The following HR variants were observed in gnomAD, a reference collection of about 807,000 sequenced individuals.
The protein encoded by HR is lysine-specific demethylase hairless.
In HR, 83 loss-of-function variants were observed where a neutral mutation model predicts 128.6. The ratio of observed to expected loss-of-function variants is 0.65; its 90% CI spans 0.54 to 0.77. HR has a LOEUF of 0.77. Among genes scored for constraint, HR ranks in the 30% least tolerant of loss-of-function variants. The pLI is 0.00. For synonymous variants in HR, 681 were observed against 658.2 expected, an observed-to-expected ratio of 1.03 and a Z score of -0.53; for missense variants, 1,490 against 1,574.6, an observed-to-expected ratio of 0.95 and a Z score of 0.91.
rs956396914 is a variant in HR, at chr8:22,117,024, C to A, written c.3229G>T (p.Ala1077Ser). ...GGGGCGCCAGGCTCCAGGGCGCCTG[C>A]CCCGGCCGGGCACACCTCAAAGAAG... Reference protein sequence around the residue: ...RFLQMVCPAGAGALEPGAPGS... With the variant: ...RFLQMVCPAGSGALEPGAPGS... Residue 1077 changes from alanine to serine, a missense_variant, in exon 17 of 19, where the codon GCA (alanine) becomes TCA (serine). By Grantham distance (99) the Ala-to-Ser change is moderately conservative. Around this residue, in one of 3 missense-constraint regions of HR, gnomAD observed 423 missense variants for 495.9 expected, o/e 0.85. Coordinates refer to ENST00000381418, the MANE Select transcript of HR (RefSeq NM_005144.5). 3.3e-6 allele frequency: 5 copies of A among 1,509,182 alleles called. No individual in the cohort carries two copies. The African/African-American group carries it at 4.1e-5, about 12-fold the overall frequency. 93.5% of individuals were successfully genotyped at this position (1,509,182 alleles called of 1,614,324 possible).
rs1826779011 is a variant in HR, at chr8:22,122,496, C to T, written c.2118G>A (p.Gln706=). The T allele has an allele frequency of 1.8e-5, 29 of 1,603,992 alleles. No individual in the cohort carries two copies. The highest frequency in any genetic ancestry group is 2.4e-5 in the Non-Finnish European group (28 of 1,175,122). Residue 706 remains glutamine (Q), a synonymous_variant, in exon 8 of 19, where the codon CAG becomes CAA. Transcript: ENST00000381418. ...GGTGACATGCCCTGGGTCTTACCTG[C>T]TGGCCTGCATCCCCGGGGGCCCATA... is the stretch of plus-strand genomic sequence containing the variant. ...ARVWAPGDAG[Q]QKESTQKTPP...
Position 22,119,170 on chromosome 8 carries a change from G to C in HR, c.3091C>G (p.Gln1031Glu), listed in dbSNP as rs1431635293. The change falls in exon 15 of 19, where the codon CAG (glutamine) becomes GAG (glutamate). Residue 1031 changes from glutamine (Q) to glutamate (E), a missense_variant. Physicochemically the swap from Gln to Glu is conservative, Grantham distance 29. Transcript: ENST00000381418. ...CCTCTGGCCGAGGACCTACCTTTCT[G>C]TGCCCGGTGCCAGGCAGGCAGTGGT... is the stretch of plus-strand genomic sequence containing the variant. ...DTPLPAWHRA[Q>E]KDFLSGLDGE... 6.2e-7 allele frequency: 1 copy of C among 1,613,838 alleles called. No individual in the cohort carries two copies. Among genetic ancestry groups the C allele is most frequent in the Non-Finnish European group, 8.5e-7 (1 of 1,180,034 alleles).
chr8:22,126,490 GC>G (rs1204839180), intron 3 of HR, among the ~76,000 whole-genome samples: 1 of 152,210 alleles, frequency 6.6e-6, no homozygotes, highest in African/African-American at 2.4e-5. Flanking sequence ...GCCATTCCTG[GC>G]GCAGGACAAG....
At chr8:22,121,259 G>C in intron 9 of HR, 31 bp from the exon 10 acceptor site, 4 of 1,610,466 alleles carry the variant, frequency 2.5e-6, no homozygotes, top group Middle Eastern at 3.3e-4. Context: ...GGGGGGCTTC[G>C]CGTTTGGTCC....
chr8:22,129,015 G>T lies in HR; in HGVS notation c.156C>A (p.Gly52=), dbSNP rs376884600. The T allele has an allele frequency of 1.2e-6, 2 of 1,611,060 alleles. No individual in the cohort carries two copies. The highest frequency in any genetic ancestry group is 1.7e-5 in the Admixed American group (1 of 59,796). ...CLGEPAPFWR[G]VLSTPDSWLP... is the part of the protein sequence containing the mutation. ...GCCAGGAGTCTGGGGTGCTCAGGAC[G>T]CCCCTCCAAAAGGGAGCAGGCTCTC... The change falls in exon 2 of 19, where the codon GGC becomes GGA. Residue 52 remains glycine (G), a synonymous_variant. Coordinates refer to ENST00000381418, the MANE Select transcript of HR (RefSeq NM_005144.5).
At position 22,119,052 on chromosome 8, in the gene HR, G is replaced by A. The variant is rs766330878; in HGVS notation, c.3111C>T (p.Gly1037=). 2.5e-6 allele frequency: 4 copies of A among 1,613,372 alleles called. No homozygotes were observed. In the East Asian group the frequency reaches 8.9e-5, roughly 36 times the overall value. Residue 1037 remains glycine (G), a synonymous_variant, in exon 16 of 19, where the codon GGC becomes GGT. Transcript: ENST00000381418. Reference sequence around the variant, plus strand: ...GAGACCAGAGCCCCTCCCCGTCCAGGCCTGAAAGGAAGTCTGAGGAGGAAA... The same window carrying A: ...GAGACCAGAGCCCCTCCCCGTCCAGACCTGAAAGGAAGTCTGAGGAGGAAA... ...WHRAQKDFLS[G]LDGEGLWSPG...
At position 22,117,100 on chromosome 8, in the gene HR, T is replaced by G. The variant is rs942240118; in HGVS notation, c.3214-61A>C. The G allele has an allele frequency of 5.6e-6, 8 of 1,426,542 alleles. No homozygotes were observed. The Admixed American group carries it at 1.1e-4, about 19-fold the overall frequency. 88.4% of individuals were successfully genotyped at this position (1,426,542 alleles called of 1,614,324 possible). On this transcript the variant is annotated intron_variant, in intron 16 of 18. Transcript: ENST00000381418. ...AGGGAAGGGCAGGGCTGCAGGAGGA[T>G]GGGGCATGGACTTTCCAGAGGCCAG...
At chr8:22,121,264 T>C (rs1444657782) in intron 9 of HR, 36 bp from the exon 10 acceptor site, 55 of 1,608,968 alleles carry the variant, frequency 3.4e-5, no homozygotes, top group Non-Finnish European at 4.7e-5. Context: ...GCTTCGCGTT[T>C]GGTCCCTCCT....
chr8:22,120,815 G>A lies in HR; in HGVS notation c.2511C>T (p.Pro837=). The change falls in exon 11 of 19, where the codon CCC becomes CCT. Residue 837 remains proline (P), a synonymous_variant. Coordinates refer to ENST00000381418, the MANE Select transcript of HR (RefSeq NM_005144.5). ...GCAAAGCCCCTGGGGGAGGCAGCCG[G>A]GGCCGCACTGGAGAGAGGGGCAGGC... is the stretch of plus-strand genomic sequence containing the variant. ...GLGLPLSPVR[P]RLPPPGALLW... The A allele has an allele frequency of 6.5e-7, 1 of 1,548,226 alleles. No homozygotes were observed. Among genetic ancestry groups the A allele is most frequent in the Non-Finnish European group, 8.7e-7 (1 of 1,145,064 alleles).
intron 9 of HR, 75 bp from the exon 10 acceptor site, chr8:22,121,303 T>C: frequency 1.9e-6 from 3 of 1,553,502 alleles, no homozygotes; most frequent in Non-Finnish European, 2.6e-6. Flanking sequence ...TTGCCCATGC[T>C]GCTCTTCCCT....
At chr8:22,125,545 G>A (rs374884607) in intron 4 of HR, 37 bp downstream of exon 4, 12 of 1,612,690 alleles carry the variant, frequency 7.4e-6, no homozygotes, top group East Asian at 4.5e-5. Flanking sequence ...GAGCCCTGGC[G>A]AGGGGGCACT....
intron 3 of HR, 40 bp from the exon 4 acceptor site, chr8:22,125,772 G>A (rs372110905): frequency 8.7e-6 from 14 of 1,609,612 alleles, no homozygotes; most frequent in Non-Finnish European, 1.1e-5. Flanking sequence ...TGGGTTTCTT[G>A]GGCTGCTGAG....
chr8:22,123,616 A>AGGGGGGGGCCC, intron 6 of HR, 33 bp downstream of exon 6: 4 of 562,348 alleles, frequency 7.1e-6, no homozygotes, highest in Non-Finnish European at 1.2e-5. Context: ...TGAGGGCTCC[A>AGGGGGGGGCCC]TCCCGCCCTC....
intron 11 of HR, 26 bp downstream of exon 11, chr8:22,120,690 G>C: frequency 6.7e-7 from 1 of 1,491,108 alleles, no homozygotes; most frequent in Non-Finnish European, 8.9e-7. Flanking sequence ...GGCCAGGGCC[G>C]GGAGGGGAGG....
At chr8:22,122,167 C>T (rs973343679) in intron 8 of HR, among the ~76,000 whole-genome samples, 4 of 152,200 alleles carry the variant, frequency 2.6e-5, no homozygotes, top group East Asian at 1.9e-4. Flanking sequence ...GGCGGGCCAA[C>T]GCTCCACCTG....
In HR at chr8:22,119,291, G is replaced by T. The variant is rs370343043; in HGVS notation, c.2978-8C>A. The T allele has an allele frequency of 8.1e-6, 13 of 1,613,304 alleles. No individual in the cohort carries two copies. Among genetic ancestry groups the T allele is most frequent in the Non-Finnish European group, 1.1e-5 (13 of 1,180,032 alleles). On this transcript the variant is annotated splice_polypyrimidine_tract_variant and splice_region_variant and intron_variant, in intron 14 of 18. Transcript: ENST00000381418. ...CCCGGTGCGGGCTCACACCTGCATG[G>T]CAATAGAGAAAGAACAGTTAGAAAT...
chr8:22,125,808 A>C (rs1586382770), intron 3 of HR, 76 bp from the exon 4 acceptor site: 1 of 1,477,728 alleles, frequency 6.8e-7, no homozygotes. Flanking sequence ...CTTAGCGCCC[A>C]CCCCATCCAC....
chr8:22,122,953 G>T (rs1421158867), intron 6 of HR, 74 bp from the exon 7 acceptor site: 1 of 1,394,004 alleles, frequency 7.2e-7, no homozygotes, highest in Non-Finnish European at 9.9e-7. Context: ...AGAAGGTCAG[G>T]ACATGATACC....
Position 22,123,814 on chromosome 8 carries a change from C to A in HR, c.1751-1G>T, listed in dbSNP as rs746789212. 2 of 1,596,890 alleles carry A rather than the reference C, an allele frequency of 1.3e-6. No homozygotes were observed. Among genetic ancestry groups the A allele is most frequent in the Non-Finnish European group, 8.5e-7 (1 of 1,174,824 alleles). ...TCCTCTGTCACGGCTGGCCCTTGGC[C>A]TGCTGACCACGGAGAGAACAGGGTC... is the stretch of plus-strand genomic sequence containing the variant. On this transcript the variant is annotated splice_acceptor_variant, in intron 5 of 18. Transcript: ENST00000381418. LOFTEE classifies it high-confidence loss of function.
Sources: allele counts gnomAD v4.1 joint callset (sites outside exome capture counted in the v4.1 genomes callset), GRCh38; gene constraint gnomAD v4.1.1; regional missense constraint gnomAD v4.1.1; transcripts MANE v1.5; gene names NCBI Gene and HGNC (gene_info 2026-07-23, HGNC 2026-07-21).